Variants in SZRD1 observed in about 807,000 individuals in gnomAD.
SZRD1 encodes the protein SUZ RNA-binding domain-containing.
A neutral mutation model predicts 17.6 loss-of-function variants in SZRD1; 7 were observed. The ratio of observed to expected loss-of-function variants is 0.40; its 90% CI spans 0.23 to 0.75. The LOEUF is 0.75. Among genes scored for constraint, SZRD1 ranks in the 30% least tolerant of loss-of-function variants. The pLI is 0.38. For missense variants in SZRD1, 178 were observed against 201.8 expected, an observed-to-expected ratio of 0.88 and a Z score of 0.71; for synonymous variants, 77 against 77.9, an observed-to-expected ratio of 0.99 and a Z score of 0.06.
intron 1 of SZRD1, chr1:16,367,667 C>A: frequency 3.2e-6 from 1 of 316,698 alleles, no homozygotes; most frequent in Non-Finnish European, 5.9e-6. Flanking sequence ...TTTTAAAGTT[C>A]TTGTGCTCTG....
chr1:16,383,178 C>CTCCT (rs202230839), intron 1 of SZRD1, among the ~76,000 whole-genome samples: 413 of 148,812 alleles, frequency 2.8e-3, no homozygotes, highest in African/African-American at 8.6e-3. Context: ...CTTTCTTTCT[C>CTCCT]TCCTTCCTTC....
At chr1:16,375,716 A>G (rs2082991263) in intron 1 of SZRD1, among the ~76,000 whole-genome samples, 1 of 152,220 alleles carries the variant, frequency 6.6e-6, no homozygotes, top group African/African-American at 2.4e-5. Context: ...AAAGGAACAC[A>G]GGAAATAACA....
At position 16,395,410 on chromosome 1, in the gene SZRD1, TG is replaced by T. The variant is rs1335534715; in HGVS notation, c.*276del. On this transcript the variant is annotated 3_prime_UTR_variant, in exon 4 of 4. Transcript: ENST00000401088. Reference sequence around the variant, plus strand: ...GAAAGGGTGGGGGTTAGGGGAAGGTTGGGGGGACCCAGCAAGGACTCAGAGA... The same window carrying T: ...GAAAGGGTGGGGGTTAGGGGAAGGTTGGGGGACCCAGCAAGGACTCAGAGA... 2 of 463,412 alleles carry T rather than the reference TG, an allele frequency of 4.3e-6. No homozygotes were observed. Among genetic ancestry groups the T allele is most frequent in the African/African-American group, 2.0e-5 (1 of 50,792 alleles). 28.7% of individuals were successfully genotyped at this position (463,412 alleles called of 1,614,324 possible). A position where few individuals can be genotyped will look rare whatever the true frequency, so the allele number is the denominator to read the frequency against.
chr1:16,372,472 CAA>C (rs1020487202), intron 1 of SZRD1, among the ~76,000 whole-genome samples: 2 of 149,082 alleles, frequency 1.3e-5, no homozygotes, highest in African/African-American at 4.9e-5. Context: ...GACTCTGTCT[CAA>C]AAAAAAAGAG....
At chr1:16,382,129 A>G (rs2083114595) in intron 1 of SZRD1, among the ~76,000 whole-genome samples, 1 of 151,846 alleles carries the variant, frequency 6.6e-6, no homozygotes, top group African/African-American at 2.4e-5. Context: ...GTAGGCCAAG[A>G]TGGATATCAC....
intron 1 of SZRD1, among the ~76,000 whole-genome samples, chr1:16,369,717 C>T (rs1030595636): frequency 1.3e-5 from 2 of 152,136 alleles, no homozygotes; most frequent in Middle Eastern, 3.4e-3. Context: ...GGTGAAACCC[C>T]ATCTCTACTA....
intron 1 of SZRD1, among the ~76,000 whole-genome samples, chr1:16,376,785 G>A (rs1241462002): frequency 7.5e-6 from 1 of 133,420 alleles, no homozygotes; most frequent in Non-Finnish European, 1.5e-5. Context: ...CAGCCTGGGC[G>A]ACACAGCGAG....
chr1:16,376,282 T>G (rs1557623349), intron 1 of SZRD1, among the ~76,000 whole-genome samples: 1 of 152,196 alleles, frequency 6.6e-6, no homozygotes, highest in Non-Finnish European at 1.5e-5. Context: ...ACTAGCTCCT[T>G]TGAAGCATTT....
chr1:16,385,672 T>A (rs2083176865), intron 1 of SZRD1, among the ~76,000 whole-genome samples: 1 of 152,136 alleles, frequency 6.6e-6, no homozygotes, highest in African/African-American at 2.4e-5. Flanking sequence ...ACAAACTGGG[T>A]TGTTTGAGGT....
chr1:16,380,471 AT>A (rs57317351), intron 1 of SZRD1, among the ~76,000 whole-genome samples: 4,014 of 145,428 alleles, frequency 0.028, 174 homozygotes, highest in African/African-American at 0.093. Context: ...CCTGGCTTTT[AT>A]TTTTTTTTTT....
intron 1 of SZRD1, among the ~76,000 whole-genome samples, chr1:16,370,818 A>T (rs182433653): frequency 0.011 from 1,664 of 152,084 alleles, 34 homozygotes; most frequent in African/African-American, 0.037. Context: ...CATTTTTAAT[A>T]GTTTGTCTGG....
chr1:16,370,260 C>CA (rs1402921540), intron 1 of SZRD1, among the ~76,000 whole-genome samples: 2 of 150,700 alleles, frequency 1.3e-5, no homozygotes, highest in African/African-American at 4.9e-5. Context: ...AGGTCTTACT[C>CA]CATTGCCCAG....
intron 1 of SZRD1, among the ~76,000 whole-genome samples, chr1:16,379,418 GTCAC>G (rs2083057812): frequency 1.3e-5 from 2 of 152,170 alleles, no homozygotes; most frequent in Non-Finnish European, 2.9e-5. Context: ...GTTCAGTTCT[GTCAC>G]TTACTAGTTG....
At chr1:16,373,603 CG>C (rs989958656) in intron 1 of SZRD1, among the ~76,000 whole-genome samples, 6 of 148,864 alleles carry the variant, frequency 4.0e-5, no homozygotes, top group African/African-American at 1.0e-4. Context: ...AAACAAAACA[CG>C]TTTTTTTTTT....
At chr1:16,376,236 A>G (rs77810356) in intron 1 of SZRD1, among the ~76,000 whole-genome samples, 2 of 152,160 alleles carry the variant, frequency 1.3e-5, no homozygotes, top group Admixed American at 6.5e-5. Context: ...TTCTCACCAG[A>G]TAATTAACTA....
chr1:16,395,365 G>T lies in SZRD1; in HGVS notation c.*225G>T. On this transcript the variant is annotated 3_prime_UTR_variant, in exon 4 of 4. Transcript: ENST00000401088. The stretch of plus-strand genomic sequence containing the variant: ...TGTGATTGGCACATCGACAAGGGCT[G>T]TCCCAAGTCAATGGAAAGGGAAAGG... 1 of 561,174 alleles carries T rather than the reference G, an allele frequency of 1.8e-6. No homozygotes were observed. Among genetic ancestry groups the T allele is most frequent in the East Asian group, 3.1e-5 (1 of 31,788 alleles). 34.8% of individuals were successfully genotyped at this position (561,174 alleles called of 1,614,324 possible).
At chr1:16,369,255 C>T in intron 1 of SZRD1, 1 of 583,542 alleles carries the variant, frequency 1.7e-6, no homozygotes, top group Admixed American at 2.9e-5. Flanking sequence ...GTAAATTATT[C>T]TTCATATATG....
At chr1:16,377,562 CAA>C (rs34066824) in intron 1 of SZRD1, among the ~76,000 whole-genome samples, 13 of 62,064 alleles carry the variant, frequency 2.1e-4, no homozygotes, top group Non-Finnish European at 1.9e-4. Flanking sequence ...GACTCTGTCT[CAA>C]AAAAAAAAAA....
At chr1:16,389,301 G>C (rs770992398) in intron 1 of SZRD1, among the ~76,000 whole-genome samples, 112 of 149,860 alleles carry the variant, frequency 7.5e-4, no homozygotes, top group Non-Finnish European at 1.3e-3. Flanking sequence ...GTCTTGCTCT[G>C]TCGCCCAGGC....
Sources: gnomAD v4.1 joint callset for allele counts (sites outside exome capture counted in the v4.1 genomes callset) on GRCh38, gnomAD v4.1.1 for gene constraint, MANE v1.5 for transcripts, NCBI Gene and HGNC (gene_info 2026-07-23, HGNC 2026-07-21) for gene names.